LGSN: variants seen among roughly 807,000 people sequenced by gnomAD.
LGSN encodes lengsin, lens protein with glutamine synthetase domain, also known as lengsin.
Under a neutral mutation model 19.5 loss-of-function variants are expected in LGSN, and 21 were observed. The observed-to-expected ratio is 1.07, with a 90% CI of 0.76 to 1.55. The LOEUF is 1.55. Ranked by LOEUF, LGSN falls within the 40% of genes most tolerant of loss-of-function variation. LGSN has a pLI of 0.00. For missense variants in LGSN, 673 were observed against 608.5 expected, an observed-to-expected ratio of 1.11 and a Z score of -1.12; for synonymous variants, 257 against 215.6, an observed-to-expected ratio of 1.19 and a Z score of -1.68.
At chr6:63,487,260 A>G in the LGSN span, among the ~76,000 whole-genome samples, 2 of 152,122 alleles carry the variant, frequency 1.3e-5, no homozygotes, top group Non-Finnish European at 2.9e-5. Flanking sequence ...ATGAGCTACC[A>G]CACCCGGCCT....
At chr6:63,443,242 G>A in the LGSN span, among the ~76,000 whole-genome samples, 7 of 152,324 alleles carry the variant, frequency 4.6e-5, no homozygotes, top group Non-Finnish European at 8.8e-5. Context: ...CTCTGAGTGC[G>A]GGGCCTGCCG....
At chr6:63,511,339 C>T in the LGSN span, among the ~76,000 whole-genome samples, 8 of 151,490 alleles carry the variant, frequency 5.3e-5, no homozygotes, top group Non-Finnish European at 1.2e-4. Flanking sequence ...CTGAAACCTC[C>T]GCCTCCTATG....
At chr6:63,405,073 G>C in the LGSN span, among the ~76,000 whole-genome samples, 1 of 150,058 alleles carries the variant, frequency 6.7e-6, no homozygotes, top group African/African-American at 2.5e-5. Context: ...TTTTGTTCTT[G>C]CGATAGTTTA....
chr6:63,505,946 G>A, the LGSN span, among the ~76,000 whole-genome samples: 1 of 152,126 alleles, frequency 6.6e-6, no homozygotes. Flanking sequence ...ACTGCGCCCA[G>A]CCGTCATATT....
the LGSN span, among the ~76,000 whole-genome samples, chr6:63,355,488 G>A: frequency 1.3e-5 from 2 of 152,152 alleles, no homozygotes; most frequent in African/African-American, 2.4e-5. Context: ...CTGTAAACTG[G>A]GTAACTTAAA....
the LGSN span, among the ~76,000 whole-genome samples, chr6:63,412,533 A>AGAAAGAAAGAAAGAAG: frequency 5.3e-4 from 45 of 85,198 alleles, no homozygotes; most frequent in African/African-American, 2.0e-3. Flanking sequence ...AAAGAAGGAA[A>AGAAAGAAAGAAAGAAG]GAAAGAAAGA....
At chr6:63,386,939 A>G in the LGSN span, among the ~76,000 whole-genome samples, 2 of 152,058 alleles carry the variant, frequency 1.3e-5, no homozygotes, top group South Asian at 4.1e-4. Context: ...CGTCTCTATT[A>G]AAAATACAAA....
At chr6:63,361,345 C>G in the LGSN span, among the ~76,000 whole-genome samples, 1 of 152,168 alleles carries the variant, frequency 6.6e-6, no homozygotes, top group African/African-American at 2.4e-5. Flanking sequence ...CTACTCAAGC[C>G]TCGGCAATGG....
chr6:63,361,056 G>C, the LGSN span, among the ~76,000 whole-genome samples: 1 of 152,240 alleles, frequency 6.6e-6, no homozygotes, highest in Admixed American at 6.5e-5. Flanking sequence ...TGAGGTGTCA[G>C]TCCTCCCCTA....
At chr6:63,524,411 A>G in the LGSN span, among the ~76,000 whole-genome samples, 2 of 152,230 alleles carry the variant, frequency 1.3e-5, no homozygotes, top group African/African-American at 4.8e-5. Flanking sequence ...GCCACAGCAG[A>G]TGAATTTCTT....
the LGSN span, among the ~76,000 whole-genome samples, chr6:63,402,041 T>A: frequency 1.2e-4 from 19 of 152,330 alleles, no homozygotes; most frequent in African/African-American, 4.3e-4. Context: ...AAGGAGCTCT[T>A]GTTTTCTTGA....
chr6:63,353,153 T>G, the LGSN span, among the ~76,000 whole-genome samples: 2 of 152,162 alleles, frequency 1.3e-5, no homozygotes, highest in Non-Finnish European at 1.5e-5. Flanking sequence ...TTGAATGTTT[T>G]AATGGTTGGA....
chr6:63,525,883 A>C, the LGSN span, among the ~76,000 whole-genome samples: 5 of 152,156 alleles, frequency 3.3e-5, no homozygotes, highest in African/African-American at 1.2e-4. Context: ...ACAAATGTTA[A>C]TATTTGAGTT....
At chr6:63,515,891 A>G in the LGSN span, among the ~76,000 whole-genome samples, 3 of 152,238 alleles carry the variant, frequency 2.0e-5, no homozygotes, top group South Asian at 4.1e-4. Context: ...TTAAAGAATT[A>G]CAAGTTAACC....
chr6:63,346,085 C>A, the LGSN span, among the ~76,000 whole-genome samples: 1 of 152,142 alleles, frequency 6.6e-6, no homozygotes, highest in Non-Finnish European at 1.5e-5. Context: ...TGGCACATAA[C>A]TCCTAAAACT....
the LGSN span, among the ~76,000 whole-genome samples, chr6:63,475,906 C>T: frequency 6.6e-6 from 1 of 152,192 alleles, no homozygotes; most frequent in Non-Finnish European, 1.5e-5. Context: ...GTGCTAAAAT[C>T]AAAGGCAGCC....
chr6:63,545,305 T>C, the LGSN span, among the ~76,000 whole-genome samples: 1 of 152,148 alleles, frequency 6.6e-6, no homozygotes, highest in African/African-American at 2.4e-5. Context: ...GCTCAAGAAA[T>C]CTCTGGGCGT....
chr6:63,337,256 T>A, the LGSN span, among the ~76,000 whole-genome samples: 1 of 151,282 alleles, frequency 6.6e-6, no homozygotes, highest in African/African-American at 2.4e-5. Context: ...TTTCCTAAAA[T>A]ACAAAAAGCC....
chr6:63,360,690 G>T, the LGSN span, among the ~76,000 whole-genome samples: 1 of 152,308 alleles, frequency 6.6e-6, no homozygotes, highest in African/African-American at 2.4e-5. Context: ...TTGTTCTATT[G>T]CTGGTGAGGA....
Sources: gnomAD v4.1 joint callset for allele counts (sites outside exome capture counted in the v4.1 genomes callset) on GRCh38, gnomAD v4.1.1 for gene constraint, MANE v1.5 for transcripts, NCBI Gene and HGNC (gene_info 2026-07-23, HGNC 2026-07-21) for gene names.